The following KIF11 variants were observed in gnomAD, a reference collection of about 807,000 sequenced individuals.
KIF11 encodes the protein kinesin-like protein KIF11.
KIF11 carries 9 observed loss-of-function variants against 121.0 expected under a neutral mutation model. The ratio of observed to expected loss-of-function variants is 0.07; its 90% CI spans 0.04 to 0.13. The LOEUF (loss-of-function observed/expected upper bound fraction) is 0.13. Among genes scored for constraint, KIF11 ranks in the 10% least tolerant of loss-of-function variants. KIF11 has a pLI of 1.00. For synonymous variants in KIF11, 408 were observed against 421.0 expected (o/e 0.97, Z 0.38); for missense variants, 846 against 1,217.5 (o/e 0.69, Z 4.54).
At chr10:92,621,533 T>C in intron 10 of KIF11, 60 bp downstream of exon 10, 1 of 1,016,486 alleles carries the variant, frequency 9.8e-7, no homozygotes, top group South Asian at 1.3e-5. Context: ...ACAGGCTATT[T>C]GAAGTAAAAC....
At chr10:92,595,391 C>CT (rs201736963) in intron 1 of KIF11, among the ~76,000 whole-genome samples, 3,824 of 147,282 alleles carry the variant, frequency 0.026, 72 homozygotes, top group Middle Eastern at 0.082. Flanking sequence ...ATTTTCTGAT[C>CT]TTTTTTTTTT....
intron 11 of KIF11, 23 bp from the exon 12 acceptor site, chr10:92,630,153 G>A (rs552759414): frequency 4.7e-6 from 6 of 1,273,428 alleles, no homozygotes; most frequent in South Asian, 3.3e-5. Context: ...CCAGCTCAGC[G>A]TTTTTTAAAT....
At chr10:92,593,705 T>C (rs968588172) in intron 1 of KIF11, among the ~76,000 whole-genome samples, 8 of 152,204 alleles carry the variant, frequency 5.3e-5, no homozygotes, top group Admixed American at 5.2e-4. Context: ...TCAATAAAGA[T>C]GTAGGTGTCA....
chr10:92,625,998 C>G (rs1844672204), intron 10 of KIF11, among the ~76,000 whole-genome samples: 1 of 152,122 alleles, frequency 6.6e-6, no homozygotes, highest in Non-Finnish European at 1.5e-5. Context: ...AATGGCCATA[C>G]CACCCAAAGC....
chr10:92,630,474 G>T (rs1844724880), intron 12 of KIF11, 110 bp downstream of exon 12: 2 of 549,308 alleles, frequency 3.6e-6, no homozygotes, highest in South Asian at 4.5e-5. Context: ...TGGTATTTCT[G>T]TCCATTTAAA....
In KIF11 at chr10:92,654,044, C is replaced by T; in HGVS notation, c.*248C>T. On this transcript the variant is annotated 3_prime_UTR_variant, in exon 22 of 22. Transcript: ENST00000260731. Reference sequence around the variant, plus strand: ...GTTAAAAATTAGCCGGGCGTGGTGGCACACTCCTGTAATCCCAGCTACTGG... The same window carrying T: ...GTTAAAAATTAGCCGGGCGTGGTGGTACACTCCTGTAATCCCAGCTACTGG... 4 of 302,430 alleles carry T rather than the reference C, an allele frequency of 1.3e-5. No homozygotes were observed. Among genetic ancestry groups the T allele is most frequent in the Non-Finnish European group, 1.9e-5 (3 of 157,508 alleles). 18.7% of individuals were successfully genotyped at this position (302,430 alleles called of 1,614,324 possible).
chr10:92,597,950 A>G (rs576111502), intron 1 of KIF11, among the ~76,000 whole-genome samples: 1 of 148,282 alleles, frequency 6.7e-6, no homozygotes, highest in South Asian at 2.1e-4. Flanking sequence ...TGCCTGGGCT[A>G]TTTTTTTTTT....
At chr10:92,627,720 G>T (rs1332359385) in intron 10 of KIF11, among the ~76,000 whole-genome samples, 1 of 152,142 alleles carries the variant, frequency 6.6e-6, no homozygotes, top group East Asian at 1.9e-4. Flanking sequence ...GGACCTGTAA[G>T]TTCACTATAG....
Position 92,613,697 on chromosome 10 carries a change from T to G in KIF11, c.1032+78T>G. 2 of 1,368,074 alleles carry G rather than the reference T, an allele frequency of 1.5e-6. No homozygotes were observed. Among genetic ancestry groups the G allele is most frequent in the Non-Finnish European group, 2.0e-6 (2 of 1,005,036 alleles). The allele number at this position is 1,368,074 out of a possible 1,614,324, so 84.7% of individuals were successfully genotyped here. On this transcript the variant is annotated intron_variant, in intron 8 of 21. Transcript: ENST00000260731. The surrounding 1 kb of genome is among the most constrained non-coding windows in gnomAD (Gnocchi z 4.2). Reference sequence around the variant, plus strand: ...CTATTATATATTTTAAAAGTTCATTTACTAGGATGGACACAGTGACTCACA... The same window carrying G: ...CTATTATATATTTTAAAAGTTCATTGACTAGGATGGACACAGTGACTCACA...
chr10:92,651,502 A>ATTTTTTTTTTT (rs1343216900), intron 21 of KIF11, among the ~76,000 whole-genome samples: 3 of 21,554 alleles, frequency 1.4e-4, no homozygotes, highest in Admixed American at 6.4e-4. Flanking sequence ...TGCCTGGCTA[A>ATTTTTTTTTTT]TTTTGTTTTT....
chr10:92,623,133 A>G (rs184308766), intron 10 of KIF11, among the ~76,000 whole-genome samples: 3 of 152,306 alleles, frequency 2.0e-5, no homozygotes, highest in African/African-American at 7.2e-5. Context: ...TCACTTGTAT[A>G]GATTTGTGTA....
At chr10:92,605,793 G>C (rs1844424770) in intron 1 of KIF11, among the ~76,000 whole-genome samples, 1 of 151,436 alleles carries the variant, frequency 6.6e-6, no homozygotes, top group South Asian at 2.1e-4. Flanking sequence ...GCCTTGATCA[G>C]ATTTTAAGAA....
chr10:92,620,316 G>GTGATC (rs1844604398), intron 9 of KIF11, among the ~76,000 whole-genome samples: 1 of 152,058 alleles, frequency 6.6e-6, no homozygotes, highest in African/African-American at 2.4e-5. Flanking sequence ...TCCTGACCTT[G>GTGATC]TGATCCGCCC....
Position 92,624,227 on chromosome 10 carries a change from T to G in KIF11, c.1217+2754T>G, listed in dbSNP as rs551170925. Among the ~76,000 whole-genome samples, 8 of 147,456 alleles carry G rather than the reference T, an allele frequency of 5.4e-5. No homozygotes were observed. The East Asian group carries it at 1.6e-3, about 30-fold the overall frequency. On this transcript the variant is annotated intron_variant, in intron 10 of 21. Coordinates refer to ENST00000260731, the MANE Select transcript of KIF11 (RefSeq NM_004523.4). ...GTTGCTGCAAAGAACATGATCTCAT[T>G]CTTTTTTTTTTTTTTTTTTTTTCGA...
At chr10:92,650,288 G>A in intron 20 of KIF11, 113 bp from the exon 21 acceptor site, 1 of 680,710 alleles carries the variant, frequency 1.5e-6, no homozygotes, top group Non-Finnish European at 2.6e-6. Flanking sequence ...ATTTTGTTGA[G>A]GTTTAACTTT....
At chr10:92,651,840 T>C (rs1338879934) in intron 21 of KIF11, among the ~76,000 whole-genome samples, 1 of 152,026 alleles carries the variant, frequency 6.6e-6, no homozygotes. Flanking sequence ...GCTGGTATCT[T>C]TTCCTCTAAT....
Position 92,613,719 on chromosome 10 carries a change from C to T in KIF11, c.1032+100C>T, listed in dbSNP as rs947561000. 1.0e-5 allele frequency: 12 copies of T among 1,174,042 alleles called. No individual in the cohort carries two copies. The highest frequency in any genetic ancestry group is 1.5e-5 in the African/African-American group (1 of 64,524). The allele number at this position is 1,174,042 out of a possible 1,614,324, so 72.7% of individuals were successfully genotyped here. On this transcript the variant is annotated intron_variant, in intron 8 of 21. Transcript: ENST00000260731. The surrounding 1 kb of genome is among the most constrained non-coding windows in gnomAD (Gnocchi z 4.2). Reference sequence around the variant, plus strand: ...ATTTACTAGGATGGACACAGTGACTCACACCTGTAAACCCAGCACTTTGGA... The same window carrying T: ...ATTTACTAGGATGGACACAGTGACTTACACCTGTAAACCCAGCACTTTGGA...
intron 14 of KIF11, among the ~76,000 whole-genome samples, chr10:92,635,881 A>C (rs1307343075): frequency 1.3e-5 from 2 of 152,244 alleles, no homozygotes; most frequent in Non-Finnish European, 2.9e-5. Context: ...TCACAAAATT[A>C]GTTGAAATTG....
chr10:92,630,488 C>CA, intron 12 of KIF11, 124 bp downstream of exon 12: 1 of 500,310 alleles, frequency 2.0e-6, no homozygotes, highest in Non-Finnish European at 3.4e-6. Flanking sequence ...ATTTAAAAAA[C>CA]ATTATTTTAC....
Sources: allele counts gnomAD v4.1 joint callset (sites outside exome capture counted in the v4.1 genomes callset), GRCh38; gene constraint gnomAD v4.1.1; non-coding constraint Gnocchi (gnomAD v3.1); transcripts MANE v1.5; gene names NCBI Gene and HGNC (gene_info 2026-07-23, HGNC 2026-07-21).